TYRO3: variants seen among roughly 807,000 people sequenced by gnomAD.
TYRO3 encodes the protein tyrosine-protein kinase receptor TYRO3.
In TYRO3, 38 loss-of-function variants were observed where a neutral mutation model predicts 95.2. That is an observed-to-expected ratio of 0.40 (90% CI 0.31 to 0.52). TYRO3 has a LOEUF of 0.52. TYRO3 is among the 20% of genes least tolerant of loss of function. The pLI, the probability that TYRO3 is intolerant of heterozygous loss-of-function variation, is 0.56. For missense variants in TYRO3, 812 were observed against 1,116.4 expected, an observed-to-expected ratio of 0.73 and a Z score of 3.89; for synonymous variants, 367 against 432.9, an observed-to-expected ratio of 0.85 and a Z score of 1.89.
chr15:41,572,078 T>C (rs545246875), intron 14 of TYRO3, among the ~76,000 whole-genome samples: 1 of 151,768 alleles, frequency 6.6e-6, no homozygotes, highest in East Asian at 1.9e-4. Context: ...TGCACCTTTG[T>C]CCAGCTACCC....
intron 4 of TYRO3, 57 bp from the exon 5 acceptor site, chr15:41,564,127 G>C: frequency 6.7e-7 from 1 of 1,499,350 alleles, no homozygotes; most frequent in Non-Finnish European, 9.3e-7. Context: ...CCCTTTCCCA[G>C]TCCCGCACTG....
chr15:41,576,572 A>T (rs1440167308), intron 18 of TYRO3, among the ~76,000 whole-genome samples: 1 of 140,668 alleles, frequency 7.1e-6, no homozygotes, highest in African/African-American at 2.7e-5. Flanking sequence ...CAAGTGATCC[A>T]CCTGCTTCGG....
chr15:41,568,509 C>A, intron 8 of TYRO3, 147 bp downstream of exon 8: 1 of 775,580 alleles, frequency 1.3e-6, no homozygotes, highest in Non-Finnish European at 2.0e-6. Flanking sequence ...CCCTCCTCTG[C>A]AAGCTCCACT....
In TYRO3 at chr15:41,567,540, A is replaced by G; in HGVS notation, c.961+3A>G. The G allele has an allele frequency of 7.5e-7, 1 of 1,330,002 alleles. No homozygotes were observed. Among genetic ancestry groups the G allele is most frequent in the Non-Finnish European group, 1.0e-6 (1 of 979,432 alleles). 82.4% of individuals were successfully genotyped at this position (1,330,002 alleles called of 1,614,324 possible). On this transcript the variant is annotated splice_donor_region_variant and intron_variant, in intron 7 of 18. Transcript: ENST00000263798. ...GCCCTTTCAGACCAAGGGTCTAGGT[A>G]AGGGATGCATAGAGCAGAGCGGGTG...
At chr15:41,560,428 T>TGTGTGTGC (rs1408766845) in intron 1 of TYRO3, among the ~76,000 whole-genome samples, 2,226 of 135,208 alleles carry the variant, frequency 0.016, 16 homozygotes, top group Non-Finnish European at 0.02. Flanking sequence ...TGTGTGTGTG[T>TGTGTGTGC]GCGCGCGCGC....
rs2055924183 is a variant in TYRO3 at position 41,581,660 on chromosome 15, C to G, written c.*3384C>G. The G allele has an allele frequency of 6.6e-6, 1 of 151,862 alleles. No individual in the cohort carries two copies. Among genetic ancestry groups the G allele is most frequent in the African/African-American group, 2.4e-5 (1 of 41,316 alleles). 9.4% of individuals were successfully genotyped at this position (151,862 alleles called of 1,614,324 possible). A position where few individuals can be genotyped will look rare whatever the true frequency, so the allele number is the denominator to read the frequency against. ...TGGCCAACATGGTGAAACCCCATCT[C>G]TACTAAAAAATACAAAAACTAGCCA... On this transcript the variant is annotated 3_prime_UTR_variant, in exon 19 of 19. Transcript: ENST00000263798.
Position 41,561,572 on chromosome 15 carries a change from G to C in TYRO3, c.342G>C (p.Arg114=), listed in dbSNP as rs1053976802. 6.3e-7 allele frequency: 1 copy of C among 1,594,708 alleles called. No individual in the cohort carries two copies. Among genetic ancestry groups the C allele is most frequent in the African/African-American group, 1.3e-5 (1 of 74,664 alleles). The change falls in exon 3 of 19, where the codon CGG becomes CGC. Residue 114 remains arginine, a synonymous_variant. Transcript: ENST00000263798. ...CAGTGGAGCGCTCTGACGCCGGCCG[G>C]TACTGGTGCCAGGTGGAGGATGGGG... The part of the protein sequence containing the change: ...LKSVERSDAG[R]YWCQVEDGGE...
rs1468415204 is a variant in TYRO3 at position 41,578,314 on chromosome 15, C to A, written c.*38C>A. Reference sequence around the variant, plus strand: ...GGGCATCGGGGCCATTTGGCCGGCTCTGGTGGCCACTGAGCTGGCTGACTA... The same window carrying A: ...GGGCATCGGGGCCATTTGGCCGGCTATGGTGGCCACTGAGCTGGCTGACTA... On this transcript the variant is annotated 3_prime_UTR_variant, in exon 19 of 19. Coordinates refer to ENST00000263798, the MANE Select transcript of TYRO3 (RefSeq NM_006293.4). 1.2e-6 allele frequency: 2 copies of A among 1,610,758 alleles called. No individual in the cohort carries two copies. Among genetic ancestry groups the A allele is most frequent in the South Asian group, 1.1e-5 (1 of 90,568 alleles).
rs1257488271 is a variant in TYRO3, at chr15:41,573,545, G to A, written c.2145+78G>A. 8.9e-6 allele frequency: 14 copies of A among 1,570,610 alleles called. No individual in the cohort carries two copies. The East Asian group carries it at 2.5e-4, about 28-fold the overall frequency. ...TTAGGATCCTTAAGGGCCTAGCCAAGTCTGCTCTCTGGGGTTTGGTTGCCC... is the reference window on the plus strand; with the variant it reads ...TTAGGATCCTTAAGGGCCTAGCCAAATCTGCTCTCTGGGGTTTGGTTGCCC... On this transcript the variant is annotated intron_variant, in intron 17 of 18. Transcript: ENST00000263798.
intron 13 of TYRO3, 42 bp from the exon 14 acceptor site, chr15:41,571,553 A>C: frequency 1.5e-6 from 2 of 1,378,942 alleles, no homozygotes; most frequent in Non-Finnish European, 1.0e-6. Flanking sequence ...AACTAGGGGC[A>C]CATCTTGTTT....
At position 41,561,117 on chromosome 15, in the gene TYRO3, C is replaced by A. The variant is rs756607416; in HGVS notation, c.125-10C>A. On this transcript the variant is annotated splice_polypyrimidine_tract_variant and intron_variant, in intron 1 of 18. Coordinates refer to ENST00000263798, the MANE Select transcript of TYRO3 (RefSeq NM_006293.4). ...CTCAAGGCTGACACATGTTCCTTCC[C>A]ACCCCTCAGGTCTGAAGCTCATGGG... 1 of 1,015,510 alleles carries A rather than the reference C, an allele frequency of 9.8e-7. No individual in the cohort carries two copies. The highest frequency in any genetic ancestry group is 1.3e-5 in the South Asian group (1 of 79,636). The allele number at this position is 1,015,510 out of a possible 1,614,324, so 62.9% of individuals were successfully genotyped here.
intron 9 of TYRO3, among the ~76,000 whole-genome samples, chr15:41,569,798 C>T (rs2055771608): frequency 6.6e-6 from 1 of 152,186 alleles, no homozygotes; most frequent in African/African-American, 2.4e-5. Context: ...CCTCTCTCTG[C>T]CCCAGAACTG....
At chr15:41,570,798 C>A in intron 12 of TYRO3, 99 bp downstream of exon 12, 1 of 1,210,980 alleles carries the variant, frequency 8.3e-7, no homozygotes, top group Non-Finnish European at 1.2e-6. Flanking sequence ...GGGTCGGTTG[C>A]CGTAAACAAG....
At chr15:41,569,650 C>T (rs1390826570) in intron 9 of TYRO3, among the ~76,000 whole-genome samples, 1 of 152,092 alleles carries the variant, frequency 6.6e-6, no homozygotes, top group Non-Finnish European at 1.5e-5. Context: ...ACCTGTAGTC[C>T]CAGCTACTTG....
At chr15:41,561,369 C>T in intron 2 of TYRO3, 59 bp downstream of exon 2, 1 of 1,457,860 alleles carries the variant, frequency 6.9e-7, no homozygotes, top group South Asian at 1.2e-5. Context: ...ATGCTCTTTC[C>T]TTGGGGATTG....
Position 41,571,069 on chromosome 15 carries a change from G to A in TYRO3, c.1611G>A (p.Leu537=). 2.5e-6 allele frequency: 4 copies of A among 1,614,142 alleles called. No individual in the cohort carries two copies. In the South Asian group the frequency reaches 4.4e-5, roughly 18 times the overall value. ...GEFGSVREAQ[L]KQEDGSFVKV... ...TTGGTTCAGTGCGGGAGGCCCAGCT[G>A]AAGCAAGAGGATGGCTCCTTTGTGA... The change falls in exon 13 of 19, where the codon CTG becomes CTA. Residue 537 remains leucine, a synonymous_variant. Coordinates refer to ENST00000263798, the MANE Select transcript of TYRO3 (RefSeq NM_006293.4).
Position 41,565,124 on chromosome 15 carries a change from C to A in TYRO3, c.766C>A (p.Gln256Lys), listed in dbSNP as rs1314697087. The change falls in exon 6 of 19, where the codon CAG becomes AAG. Residue 256 changes from glutamine to lysine, a missense_variant. By Grantham distance (53) the Gln-to-Lys change is moderately conservative. Transcript: ENST00000263798. ...MPGADGRALL[Q>K]SCTVQVTQAP... Reference sequence around the variant, plus strand: ...AGGTGCTGATGGCCGAGCTCTGCTACAGTCCTGTACAGTTCAGGTAGGCTC... The same window carrying A: ...AGGTGCTGATGGCCGAGCTCTGCTAAAGTCCTGTACAGTTCAGGTAGGCTC... 6.2e-7 allele frequency: 1 copy of A among 1,611,662 alleles called. No individual in the cohort carries two copies. Among genetic ancestry groups the A allele is most frequent in the East Asian group, 2.2e-5 (1 of 44,870 alleles).
intron 3 of TYRO3, 152 bp downstream of exon 3, chr15:41,561,791 C>T (rs564084668): frequency 3.3e-4 from 184 of 550,144 alleles, no homozygotes; most frequent in African/African-American, 2.8e-3. Context: ...CTCCAGATGT[C>T]GGAAGACCCT....
chr15:41,570,368 C>T (rs1346586161), intron 11 of TYRO3, 28 bp downstream of exon 11: 1 of 1,139,722 alleles, frequency 8.8e-7, no homozygotes, highest in Non-Finnish European at 1.3e-6. Context: ...GTGGGAAGGA[C>T]AAATGGGCTG....
Sources: allele counts gnomAD v4.1 joint callset (sites outside exome capture counted in the v4.1 genomes callset), GRCh38; gene constraint gnomAD v4.1.1; transcripts MANE v1.5; gene names NCBI Gene and HGNC (gene_info 2026-07-23, HGNC 2026-07-21).